The following CSMD1 variants were observed in gnomAD, a reference collection of about 807,000 sequenced individuals.
CSMD1 encodes CUB and Sushi multiple domains 1.
A neutral mutation model predicts 417.5 loss-of-function variants in CSMD1; 213 were observed. The observed-to-expected ratio is 0.51, with a 90% CI of 0.46 to 0.57. The LOEUF (loss-of-function observed/expected upper bound fraction) is 0.57. Among genes scored for constraint, CSMD1 ranks in the 20% least tolerant of loss-of-function variants. The probability of loss-of-function intolerance (pLI) is 0.00; values close to 1 mark genes in which losing one functional copy is unlikely to be tolerated. For synonymous variants in CSMD1, 2,862 were observed against 1,736.8 expected (o/e 1.65, Z -16.11); for missense variants, 6,923 against 4,529.7 (o/e 1.53, Z -15.17).
intron 49 of CSMD1, among the ~76,000 whole-genome samples, chr8:3,081,069 T>G (rs1417720719): frequency 6.6e-6 from 1 of 152,182 alleles, no homozygotes; most frequent in Non-Finnish European, 1.5e-5. Flanking sequence ...GTTTACCAAA[T>G]GGCTACAAGG....
chr8:3,409,700 G>T, intron 12 of CSMD1, 95 bp from the exon 13 acceptor site: 2 of 972,408 alleles, frequency 2.1e-6, no homozygotes, highest in Non-Finnish European at 3.0e-6. Flanking sequence ...GCTTCTTTTT[G>T]CTGAACTAAA....
intron 7 of CSMD1, among the ~76,000 whole-genome samples, chr8:3,701,199 G>T (rs148886709): frequency 5.9e-5 from 9 of 152,230 alleles, no homozygotes; most frequent in African/African-American, 2.2e-4. Flanking sequence ...GTTCTGGCCC[G>T]TAGAAGAGAA....
chr8:4,137,930 T>A (rs990988593), intron 3 of CSMD1, among the ~76,000 whole-genome samples: 4 of 151,774 alleles, frequency 2.6e-5, no homozygotes, highest in African/African-American at 9.7e-5. Flanking sequence ...CAGGTTGGAG[T>A]GCAGTGGCGC....
intron 8 of CSMD1, among the ~76,000 whole-genome samples, chr8:3,609,359 G>A (rs1157825796): frequency 1.3e-5 from 2 of 152,178 alleles, no homozygotes; most frequent in African/African-American, 2.4e-5. Flanking sequence ...ATTCAATTGT[G>A]ATGAATACAC....
At chr8:3,254,467 T>A (rs531855894) in intron 26 of CSMD1, among the ~76,000 whole-genome samples, 1 of 152,324 alleles carries the variant, frequency 6.6e-6, no homozygotes, top group East Asian at 1.9e-4. Flanking sequence ...TCCTGCAGAG[T>A]GTTTTCCAAC....
intron 4 of CSMD1, among the ~76,000 whole-genome samples, chr8:4,017,345 G>T (rs1796572201): frequency 6.6e-6 from 1 of 152,064 alleles, no homozygotes; most frequent in Non-Finnish European, 1.5e-5. Flanking sequence ...CGCTCTTGTT[G>T]CCCAGGCTGG....
chr8:3,977,597 A>T (rs1813534947), intron 5 of CSMD1, among the ~76,000 whole-genome samples: 1 of 152,310 alleles, frequency 6.6e-6, no homozygotes, highest in South Asian at 2.1e-4. Flanking sequence ...GTTAAATTTT[A>T]TTTTCAAAGT....
chr8:4,320,999 T>A (rs749049299), intron 3 of CSMD1, among the ~76,000 whole-genome samples: 1 of 152,186 alleles, frequency 6.6e-6, no homozygotes, highest in Non-Finnish European at 1.5e-5. Flanking sequence ...TACCAGTTTC[T>A]CTGTAAATTA....
intron 10 of CSMD1, among the ~76,000 whole-genome samples, chr8:3,512,056 T>G (rs1156518791): frequency 6.6e-6 from 1 of 152,182 alleles, no homozygotes; most frequent in Non-Finnish European, 1.5e-5. Flanking sequence ...GGATCCACTA[T>G]GTGGCCCTAG....
At chr8:4,409,155 C>G (rs1366556178) in intron 3 of CSMD1, among the ~76,000 whole-genome samples, 1 of 152,092 alleles carries the variant, frequency 6.6e-6, no homozygotes, top group Non-Finnish European at 1.5e-5. Flanking sequence ...CTGTATTTTA[C>G]AAAATGACCT....
chr8:4,360,567 G>A (rs74982430), intron 3 of CSMD1, among the ~76,000 whole-genome samples: 36,121 of 152,008 alleles, frequency 0.24, 4,480 homozygotes, highest in Admixed American at 0.29. Flanking sequence ...TCGGCTCACT[G>A]CAAGCTCCGC....
intron 3 of CSMD1, among the ~76,000 whole-genome samples, chr8:4,415,728 C>G (rs1345728227): frequency 1.3e-5 from 2 of 152,160 alleles, no homozygotes; most frequent in African/African-American, 2.4e-5. Context: ...AATGAATGAG[C>G]AAATCTGTGT....
intron 3 of CSMD1, among the ~76,000 whole-genome samples, chr8:4,084,898 G>GA (rs1322871363): frequency 1.3e-4 from 19 of 151,722 alleles, no homozygotes; most frequent in Non-Finnish European, 2.4e-4. Flanking sequence ...GTTTAAAAAA[G>GA]AAAAAACAAA....
At chr8:4,556,217 T>A (rs1275918734) in intron 2 of CSMD1, among the ~76,000 whole-genome samples, 5 of 152,180 alleles carry the variant, frequency 3.3e-5, no homozygotes, top group Admixed American at 6.5e-5. Context: ...ATACTTTATA[T>A]CAGAAAAGTT....
intron 3 of CSMD1, among the ~76,000 whole-genome samples, chr8:4,065,647 G>A (rs1008017218): frequency 1.3e-5 from 2 of 152,164 alleles, no homozygotes; most frequent in Admixed American, 1.3e-4. Context: ...GCCAGGCAAT[G>A]CCTTTTAGCC....
chr8:3,943,475 CAGTG>C (rs1811023469), intron 5 of CSMD1, among the ~76,000 whole-genome samples: 2 of 143,390 alleles, frequency 1.4e-5, no homozygotes, highest in Admixed American at 1.4e-4. Context: ...AATGATCAGT[CAGTG>C]GGTGCTGAAA....
intron 3 of CSMD1, among the ~76,000 whole-genome samples, chr8:4,385,748 A>G (rs986622437): frequency 1.3e-5 from 2 of 152,232 alleles, no homozygotes; most frequent in African/African-American, 4.8e-5. Flanking sequence ...ATAAAAATCT[A>G]AAGAGGAATT....
rs1208930261 is a variant in CSMD1 at position 4,146,593 on chromosome 8, C to CTTTTTTTTTTTTTTTTTT, written c.416-114495_416-114494insAAAAAAAAAAAAAAAAAA. The stretch of plus-strand genomic sequence containing the variant: ...ATCTGTCTAAATGTTTATATGGACA[C>CTTTTTTTTTTTTTTTTTT]ATTTTTTTTTTTTTTTTTTTTTTTT... On this transcript the variant is annotated intron_variant, in intron 3 of 69. Transcript: ENST00000635120. 5.8e-4 allele frequency among the ~76,000 whole-genome samples: 53 copies of CTTTTTTTTTTTTTTTTTT among 90,738 alleles called. 16 individuals carry two copies. Among genetic ancestry groups the CTTTTTTTTTTTTTTTTTT allele is most frequent in the Non-Finnish European group, 6.4e-4 (33 of 51,286 alleles). The allele number at this position is 90,738 out of a possible 152,430, so 59.5% of individuals were successfully genotyped here.
intron 2 of CSMD1, among the ~76,000 whole-genome samples, chr8:4,627,119 A>G (rs989193595): frequency 3.9e-5 from 6 of 152,184 alleles, no homozygotes; most frequent in African/African-American, 1.4e-4. Context: ...GTAAACAACT[A>G]TACATTTCAA....
Sources: gnomAD v4.1 joint callset for allele counts (sites outside exome capture counted in the v4.1 genomes callset) on GRCh38, gnomAD v4.1.1 for gene constraint, MANE v1.5 for transcripts, NCBI Gene and HGNC (gene_info 2026-07-23, HGNC 2026-07-21) for gene names.